The following SUGCT variants were observed in gnomAD, a reference collection of about 807,000 sequenced individuals.
SUGCT encodes the protein succinyl-CoA:glutarate CoA-transferase.
In SUGCT, 41 loss-of-function variants were observed where a neutral mutation model predicts 55.0. That is an observed-to-expected ratio of 0.74 (90% CI 0.58 to 0.97). The LOEUF is 0.97. Among genes scored for constraint, SUGCT ranks in the 50% least tolerant of loss-of-function variants. The pLI is 0.00. For synonymous variants in SUGCT, 187 were observed against 200.4 expected, an observed-to-expected ratio of 0.93 and a Z score of 0.56; for missense variants, 568 against 547.8, an observed-to-expected ratio of 1.04 and a Z score of -0.37.
intron 11 of SUGCT, among the ~76,000 whole-genome samples, chr7:40,485,263 G>C (rs528322618): frequency 4.0e-5 from 6 of 151,828 alleles, no homozygotes; most frequent in Admixed American, 2.0e-4. Flanking sequence ...CCAGTAACCT[G>C]ACTGCCTGTG....
At chr7:40,365,111 T>G (rs112775493) in intron 9 of SUGCT, among the ~76,000 whole-genome samples, 1 of 152,080 alleles carries the variant, frequency 6.6e-6, no homozygotes, top group Non-Finnish European at 1.5e-5. Context: ...GTTCAGTATA[T>G]GCAAATTAAT....
chr7:40,255,660 C>CAA (rs70996898), intron 7 of SUGCT, among the ~76,000 whole-genome samples: 1,192 of 54,198 alleles, frequency 0.022, 154 homozygotes, highest in African/African-American at 0.081. Context: ...GACTCTGTAT[C>CAA]AAAAAAAAAA....
chr7:40,629,033 C>G (rs1799659781), intron 12 of SUGCT, among the ~76,000 whole-genome samples: 1 of 152,162 alleles, frequency 6.6e-6, no homozygotes, highest in African/African-American at 2.4e-5. Context: ...GTTCCCAAAT[C>G]TCACTGTCCA....
At chr7:40,622,595 A>G (rs1799327702) in intron 12 of SUGCT, among the ~76,000 whole-genome samples, 1 of 135,398 alleles carries the variant, frequency 7.4e-6, no homozygotes. Context: ...ACACACATAT[A>G]TGCATACTGC....
intron 12 of SUGCT, among the ~76,000 whole-genome samples, chr7:40,706,602 G>A (rs1785422227): frequency 6.6e-6 from 1 of 152,302 alleles, no homozygotes; most frequent in Admixed American, 6.5e-5. Flanking sequence ...ATAATAAGTG[G>A]AAACATCTTC....
At chr7:40,671,607 A>G (rs577310405) in intron 12 of SUGCT, among the ~76,000 whole-genome samples, 1 of 152,316 alleles carries the variant, frequency 6.6e-6, no homozygotes, top group Non-Finnish European at 1.5e-5. Context: ...ATGCAGTACC[A>G]TTTACATTCT....
chr7:40,398,407 C>G (rs1350140398), intron 9 of SUGCT, among the ~76,000 whole-genome samples: 1 of 151,868 alleles, frequency 6.6e-6, no homozygotes, highest in African/African-American at 2.4e-5. Context: ...TTCTCTATTT[C>G]TTGATAAGAC....
intron 13 of SUGCT, among the ~76,000 whole-genome samples, chr7:40,818,874 C>T (rs1480672782): frequency 6.6e-6 from 1 of 151,670 alleles, no homozygotes; most frequent in African/African-American, 2.4e-5. Context: ...TCATCATTTA[C>T]ATTAGGTATA....
intron 9 of SUGCT, among the ~76,000 whole-genome samples, chr7:40,357,603 A>G (rs1056590507): frequency 3.9e-5 from 6 of 152,246 alleles, no homozygotes; most frequent in Admixed American, 1.3e-4. Context: ...GTAGCCATAG[A>G]TGTAAACAGA....
intron 9 of SUGCT, among the ~76,000 whole-genome samples, chr7:40,383,028 A>G (rs574130532): frequency 3.3e-5 from 5 of 152,298 alleles, no homozygotes; most frequent in Non-Finnish European, 5.9e-5. Flanking sequence ...AATTGTAAGT[A>G]TGACACCCCC....
chr7:40,684,245 C>A, intron 12 of SUGCT: 2 of 1,390,640 alleles, frequency 1.4e-6, no homozygotes, highest in South Asian at 1.9e-5. Flanking sequence ...CATACTTATT[C>A]ATTTACATCA....
chr7:40,200,559 C>G (rs190860896), intron 6 of SUGCT, among the ~76,000 whole-genome samples: 22 of 151,966 alleles, frequency 1.4e-4, no homozygotes, highest in Non-Finnish European at 1.5e-5. Flanking sequence ...TAGGAAAGAT[C>G]TAGACGCCTT....
chr7:40,938,082 C>G, the SUGCT span, among the ~76,000 whole-genome samples: 1 of 152,226 alleles, frequency 6.6e-6, no homozygotes, highest in Non-Finnish European at 1.5e-5. Context: ...TCACTGCTCA[C>G]CTCCTGCTGT....
At chr7:40,136,341 T>C (rs1436640314) in intron 1 of SUGCT, among the ~76,000 whole-genome samples, 1 of 152,180 alleles carries the variant, frequency 6.6e-6, no homozygotes, top group African/African-American at 2.4e-5. Context: ...CATTAAATCA[T>C]AGCCTAACGG....
At chr7:40,702,267 A>G (rs1056725920) in intron 12 of SUGCT, among the ~76,000 whole-genome samples, 5 of 152,212 alleles carry the variant, frequency 3.3e-5, no homozygotes, top group African/African-American at 1.2e-4. Context: ...CAGCTGCTAG[A>G]ACAAGTTTAA....
At chr7:40,640,078 CAT>C (rs1235731711) in intron 12 of SUGCT, among the ~76,000 whole-genome samples, 5 of 152,136 alleles carry the variant, frequency 3.3e-5, no homozygotes, top group Non-Finnish European at 7.4e-5. Context: ...TTCAGAAAGA[CAT>C]AAAACAATTC....
intron 12 of SUGCT, among the ~76,000 whole-genome samples, chr7:40,688,756 T>C (rs1784567451): frequency 1.3e-5 from 2 of 152,192 alleles, no homozygotes; most frequent in African/African-American, 4.8e-5. Context: ...ACATTTCTTG[T>C]ACTGAAATTA....
At chr7:40,269,329 T>C in intron 7 of SUGCT, among the ~76,000 whole-genome samples, 1 of 152,040 alleles carries the variant, frequency 6.6e-6, no homozygotes, top group East Asian at 1.9e-4. Context: ...TTTATTTATT[T>C]ATTTATTTTT....
At chr7:40,277,469 C>G (rs144453461) in intron 8 of SUGCT, among the ~76,000 whole-genome samples, 1 of 152,058 alleles carries the variant, frequency 6.6e-6, no homozygotes, top group Non-Finnish European at 1.5e-5. Flanking sequence ...GGATTATAGG[C>G]GTGAGCCACT....
Sources: allele counts gnomAD v4.1 joint callset (sites outside exome capture counted in the v4.1 genomes callset), GRCh38; gene constraint gnomAD v4.1.1; transcripts MANE v1.5; gene names NCBI Gene and HGNC (gene_info 2026-07-23, HGNC 2026-07-21).